Variants in MTHFD2L observed in about 807,000 individuals in gnomAD.
The protein encoded by MTHFD2L is methylenetetrahydrofolate dehydrogenase (NADP+ dependent) 2 like, also known as bifunctional methylenetetrahydrofolate dehydrogenase/cyclohydrolase 2, mitochondrial.
MTHFD2L carries 29 observed loss-of-function variants against 34.9 expected under a neutral mutation model. That is an observed-to-expected ratio of 0.83 (90% confidence interval 0.62 to 1.13). The LOEUF (loss-of-function observed/expected upper bound fraction) is 1.13, where lower values mean the gene tolerates loss of function less well. Ranked by LOEUF, MTHFD2L falls within the 50% of genes most tolerant of loss-of-function variation. MTHFD2L has a pLI of 0.00. For synonymous variants in MTHFD2L, 167 were observed against 155.7 expected (o/e 1.07, Z -0.54); for missense variants, 481 against 446.5 (o/e 1.08, Z -0.70).
chr4:74,148,697 A>G (rs1039804989), intron 1 of MTHFD2L, among the ~76,000 whole-genome samples: 3 of 151,956 alleles, frequency 2.0e-5, no homozygotes, highest in Non-Finnish European at 2.9e-5. Flanking sequence ...TTAAAATTGA[A>G]TATGCACGTA....
At chr4:74,228,904 T>C (rs1451490511) in intron 6 of MTHFD2L, among the ~76,000 whole-genome samples, 2 of 152,152 alleles carry the variant, frequency 1.3e-5, no homozygotes, top group Non-Finnish European at 2.9e-5. Flanking sequence ...AGGGCGCCAG[T>C]CAGGTGAGCA....
At chr4:74,224,935 A>G (rs550668688) in intron 5 of MTHFD2L, among the ~76,000 whole-genome samples, 2 of 152,134 alleles carry the variant, frequency 1.3e-5, no homozygotes, top group South Asian at 4.1e-4. Context: ...TTGTTCACTT[A>G]CCTTATTGCT....
At chr4:74,261,419 A>G (rs938074009) in intron 6 of MTHFD2L, among the ~76,000 whole-genome samples, 2 of 152,080 alleles carry the variant, frequency 1.3e-5, no homozygotes, top group African/African-American at 2.4e-5. Flanking sequence ...ATAAAACTAA[A>G]CAGAAACAAG....
At chr4:74,203,886 G>C (rs1178243684) in intron 5 of MTHFD2L, among the ~76,000 whole-genome samples, 1 of 89,696 alleles carries the variant, frequency 1.1e-5, no homozygotes. Flanking sequence ...TTGACCAAGA[G>C]CCAATTTGCA....
intron 6 of MTHFD2L, among the ~76,000 whole-genome samples, chr4:74,248,362 C>A (rs995179185): frequency 1.3e-5 from 2 of 152,108 alleles, no homozygotes; most frequent in African/African-American, 4.8e-5. Flanking sequence ...CTATTTGATT[C>A]TTCTCTCTTT....
chr4:74,281,686 T>C (rs1162131002), intron 7 of MTHFD2L, 136 bp downstream of exon 7: 1 of 851,358 alleles, frequency 1.2e-6, no homozygotes, highest in African/African-American at 1.7e-5. Flanking sequence ...AGGGAAAAGA[T>C]TTTAATCAGA....
intron 3 of MTHFD2L, chr4:74,183,769 A>C (rs1730627932): frequency 6.6e-6 from 1 of 151,156 alleles, no homozygotes; most frequent in Non-Finnish European, 1.5e-5. Flanking sequence ...TAACTACCTG[A>C]ATAAATATAT....
At chr4:74,125,098 C>T (rs1255966145), upstream of MTHFD2L, among the ~76,000 whole-genome samples, 6 of 152,102 alleles carry the variant, frequency 3.9e-5, no homozygotes, top group Admixed American at 6.6e-5. Context: ...GATAATCTGA[C>T]ATTTTGCAGA....
chr4:74,139,831 C>A (rs1560409042), intron 1 of MTHFD2L, among the ~76,000 whole-genome samples: 1 of 151,990 alleles, frequency 6.6e-6, no homozygotes, highest in African/African-American at 2.4e-5. Flanking sequence ...ATGTCTTTTT[C>A]ATTTCCTAGA....
intron 5 of MTHFD2L, among the ~76,000 whole-genome samples, chr4:74,207,638 T>A (rs1259253121): frequency 6.6e-6 from 1 of 152,204 alleles, no homozygotes; most frequent in Non-Finnish European, 1.5e-5. Context: ...GCTGTGCTGC[T>A]GCAGCAACTT....
At chr4:74,221,127 T>A (rs1738105892) in intron 5 of MTHFD2L, among the ~76,000 whole-genome samples, 1 of 151,224 alleles carries the variant, frequency 6.6e-6, no homozygotes, top group African/African-American at 2.4e-5. Context: ...GATCTTTTTT[T>A]TTCCGATTTT....
chr4:74,133,082 T>C (rs1424858147), intron 1 of MTHFD2L, among the ~76,000 whole-genome samples: 1 of 152,200 alleles, frequency 6.6e-6, no homozygotes, highest in Non-Finnish European at 1.5e-5. Flanking sequence ...ACGGGTCTAG[T>C]AGTGGTGAAT....
At chr4:74,236,648 A>T (rs928182325) in intron 6 of MTHFD2L, among the ~76,000 whole-genome samples, 9 of 152,282 alleles carry the variant, frequency 5.9e-5, no homozygotes, top group African/African-American at 1.7e-4. Context: ...GTAAATGATT[A>T]TCTCTGCATG....
At chr4:74,149,652 A>T (rs1723808701) in intron 1 of MTHFD2L, among the ~76,000 whole-genome samples, 1 of 152,186 alleles carries the variant, frequency 6.6e-6, no homozygotes, top group Non-Finnish European at 1.5e-5. Context: ...TCTGATAAAA[A>T]ATTTGGGATA....
chr4:74,142,881 T>A (rs1464374818), intron 1 of MTHFD2L, among the ~76,000 whole-genome samples: 1 of 152,192 alleles, frequency 6.6e-6, no homozygotes, highest in Admixed American at 6.5e-5. Flanking sequence ...AGATTCTTGG[T>A]ACACTCTGCC....
chr4:74,163,692 G>C (rs1353214354), intron 1 of MTHFD2L, among the ~76,000 whole-genome samples: 2 of 152,114 alleles, frequency 1.3e-5, no homozygotes, highest in African/African-American at 4.8e-5. Flanking sequence ...TCCCTATACT[G>C]GTGATTGGTT....
At chr4:74,183,816 TTATTC>T (rs1308385090) in intron 3 of MTHFD2L, 2 of 16,946 alleles carry the variant, frequency 1.2e-4, no homozygotes, top group African/African-American at 1.2e-4. Flanking sequence ...TATATTGTTC[TTATTC>T]TTATTATTCA....
intron 3 of MTHFD2L, among the ~76,000 whole-genome samples, chr4:74,186,439 A>G (rs865937623): frequency 9.3e-4 from 3 of 3,214 alleles, no homozygotes; most frequent in African/African-American, 1.7e-3. Context: ...GGAATCCATG[A>G]AAAAAAAAAA....
At chr4:74,117,567 G>C (rs1302514482) in intron 2 of MTHFD2L, among the ~76,000 whole-genome samples, 2 of 152,132 alleles carry the variant, frequency 1.3e-5, no homozygotes, top group Non-Finnish European at 2.9e-5. Context: ...GAATGCATAG[G>C]TTATATGCAG....
Sources: gnomAD v4.1 joint callset for allele counts (sites outside exome capture counted in the v4.1 genomes callset) on GRCh38, gnomAD v4.1.1 for gene constraint, MANE v1.5 for transcripts, NCBI Gene and HGNC (gene_info 2026-07-23, HGNC 2026-07-21) for gene names.